C5: variants seen among roughly 807,000 people sequenced by gnomAD.
The protein encoded by C5 is complement C5.
In C5, 140 loss-of-function variants were observed where a neutral mutation model predicts 218.8. That is an observed-to-expected ratio of 0.64 (90% CI 0.56 to 0.74). The LOEUF (loss-of-function observed/expected upper bound fraction) is 0.74. C5 is among the 30% of genes least tolerant of loss of function. The probability of loss-of-function intolerance (pLI) is 0.00; values close to 1 mark genes in which losing one functional copy is unlikely to be tolerated. For synonymous variants in C5, 614 were observed against 682.3 expected, an observed-to-expected ratio of 0.90 and a Z score of 1.56; for missense variants, 1,700 against 1,969.6, an observed-to-expected ratio of 0.86 and a Z score of 2.59.
chr9:120,962,552 G>T, intron 36 of C5, 119 bp downstream of exon 36: 2 of 810,452 alleles, frequency 2.5e-6, no homozygotes, highest in Non-Finnish European at 2.2e-6. Flanking sequence ...GGACTTTCAT[G>T]AAGAGTGGTC....
intron 12 of C5, among the ~76,000 whole-genome samples, chr9:121,018,981 G>A (rs918688149): frequency 1.4e-4 from 21 of 152,018 alleles, no homozygotes; most frequent in Admixed American, 3.9e-4. Flanking sequence ...TAGTAAATTA[G>A]AGAGCTAAAA....
At chr9:120,975,970 C>T (rs189157164) in intron 29 of C5, among the ~76,000 whole-genome samples, 1 of 152,306 alleles carries the variant, frequency 6.6e-6, no homozygotes, top group East Asian at 1.9e-4. Context: ...TGGCCATTCC[C>T]TCTGCCTATA....
chr9:121,023,279 T>C (rs888401746), intron 10 of C5, 125 bp downstream of exon 10: 2 of 758,912 alleles, frequency 2.6e-6, no homozygotes, highest in African/African-American at 3.4e-5. Flanking sequence ...AGGGGCAGGT[T>C]TCACAGAATA....
chr9:121,028,180 A>C (rs1436198696), intron 7 of C5, among the ~76,000 whole-genome samples: 1 of 152,258 alleles, frequency 6.6e-6, no homozygotes, highest in Non-Finnish European at 1.5e-5. Flanking sequence ...CAATCATTAA[A>C]AAGTCAGGAA....
intron 38 of C5, among the ~76,000 whole-genome samples, chr9:120,958,354 G>A (rs996577657): frequency 2.6e-5 from 4 of 152,170 alleles, no homozygotes; most frequent in South Asian, 2.1e-4. Flanking sequence ...AAAAGCCAGC[G>A]AAGTCTTTTC....
rs1174368669 is a variant in C5, at chr9:121,046,362, T to G, written c.87A>C (p.Lys29Asn). 1 of 1,612,114 alleles carries G rather than the reference T, an allele frequency of 6.2e-7. No homozygotes were observed. Among genetic ancestry groups the G allele is most frequent in the Non-Finnish European group, 8.5e-7 (1 of 1,178,464 alleles). Residue 29 changes from lysine (K) to asparagine (N), a missense_variant, in exon 2 of 41, where the codon AAA (lysine) becomes AAC (asparagine). Lys to Asn is a moderately conservative substitution (Grantham distance 94). Coordinates refer to ENST00000223642, the MANE Select transcript of C5 (RefSeq NM_001735.3). ...QEQTYVISAP[K>N]IFRVGASENI... is the part of the protein sequence containing the mutation. ...TTTCAGATGCTCCAACACGGAATAT[T>G]TTTGGTGCTGAAATGACATATCTGT...
intron 36 of C5, 39 bp from the exon 37 acceptor site, chr9:120,961,604 T>A: frequency 7.8e-7 from 1 of 1,275,124 alleles, no homozygotes; most frequent in South Asian, 1.2e-5. Context: ...AGTGGTTTGA[T>A]TGAAGAACAA....
the C5 span, among the ~76,000 whole-genome samples, chr9:121,068,768 C>A: frequency 6.6e-6 from 1 of 152,114 alleles, no homozygotes; most frequent in Non-Finnish European, 1.5e-5. Context: ...ATGATATTGT[C>A]ATAAAAACAG....
chr9:121,044,474 TCAACAACAA>T (rs769466358), intron 2 of C5, among the ~76,000 whole-genome samples: 2 of 151,642 alleles, frequency 1.3e-5, no homozygotes, highest in African/African-American at 4.9e-5. Flanking sequence ...AGACCCTGTC[TCAACAACAA>T]CAACAACAAC....
chr9:121,016,842 C>T (rs12000864), intron 14 of C5, among the ~76,000 whole-genome samples: 4,217 of 152,222 alleles, frequency 0.028, 204 homozygotes, highest in African/African-American at 0.096. Flanking sequence ...CAGGCTTATT[C>T]GTTCTCCGAG....
chr9:121,045,200 TA>T (rs775748535), intron 2 of C5, among the ~76,000 whole-genome samples: 12 of 152,184 alleles, frequency 7.9e-5, no homozygotes, highest in Non-Finnish European at 5.9e-5. Flanking sequence ...CTAAGAACAT[TA>T]AAGAATTCCT....
In C5 at chr9:120,989,768, C is replaced by T; in HGVS notation, c.2954G>A (p.Gly985Asp). ...RILSVKGLLV[G>D]EILSAVLSQE... ...ACTTAGAACTGCAGACAAGATCTCA[C>T]CTACAAGCAGTCCTGAAACAAAAAA... The change falls in exon 24 of 41, where the codon GGT becomes GAT. Residue 985 changes from glycine to aspartate, a missense_variant. Physicochemically the swap from Gly to Asp is moderately conservative, Grantham distance 94 (BLOSUM62 -1). Coordinates refer to ENST00000223642, the MANE Select transcript of C5 (RefSeq NM_001735.3). The T allele has an allele frequency of 1.2e-6, 2 of 1,613,858 alleles. No individual in the cohort carries two copies. Among genetic ancestry groups the T allele is most frequent in the Non-Finnish European group, 1.7e-6 (2 of 1,179,822 alleles).
At position 120,980,037 on chromosome 9, in the gene C5, T is replaced by C. The variant is rs752312495; in HGVS notation, c.3658+46A>G. ...CCACTTCCCAGACTAGCAGACTTTATGTCTTAGTGAACACTCACTGAATAC... is the reference window on the plus strand; with the variant it reads ...CCACTTCCCAGACTAGCAGACTTTACGTCTTAGTGAACACTCACTGAATAC... On this transcript the variant is annotated intron_variant, in intron 28 of 40. Coordinates refer to ENST00000223642, the MANE Select transcript of C5 (RefSeq NM_001735.3). 17 of 1,563,558 alleles carry C rather than the reference T, an allele frequency of 1.1e-5. No homozygotes were observed. In the Admixed American group the frequency reaches 2.0e-4, roughly 18 times the overall value.
At chr9:120,982,574 T>A in intron 26 of C5, 81 bp downstream of exon 26, 1 of 1,135,654 alleles carries the variant, frequency 8.8e-7, no homozygotes. Context: ...TTCTTCTTCT[T>A]CTTCATCCTC....
chr9:121,074,375 C>T, the C5 span, among the ~76,000 whole-genome samples: 58,976 of 152,106 alleles, frequency 0.39, 12,786 homozygotes, highest in South Asian at 0.64. Context: ...TCCCTTGTAG[C>T]AATCAGAGGA....
intron 38 of C5, among the ~76,000 whole-genome samples, chr9:120,957,702 C>A (rs1328272934): frequency 6.6e-6 from 1 of 152,176 alleles, no homozygotes; most frequent in African/African-American, 2.4e-5. Context: ...GGAGTCATGC[C>A]CATGGGCATC....
chr9:120,959,248 CTTTCTTTCTTTCTTTCT>C (rs2046808547), intron 38 of C5, among the ~76,000 whole-genome samples: 1 of 118,568 alleles, frequency 8.4e-6, no homozygotes, highest in African/African-American at 4.4e-5. Context: ...TTCTTTCTTT[CTTTCTTTCTTTCTTTCT>C]TTTTTTTTTT....
chr9:120,972,070 G>T, intron 30 of C5, 78 bp from the exon 31 acceptor site: 1 of 1,181,132 alleles, frequency 8.5e-7, no homozygotes. Flanking sequence ...ATGAAAAGTG[G>T]GTTGACATGT....
intron 8 of C5, chr9:121,025,878 G>C (rs2047417555): frequency 3.3e-6 from 1 of 306,350 alleles, no homozygotes; most frequent in African/African-American, 2.2e-5. Context: ...ATCTTTATAG[G>C]CCTCTCAGCG....
Sources: gnomAD v4.1 joint callset for allele counts (sites outside exome capture counted in the v4.1 genomes callset) on GRCh38, gnomAD v4.1.1 for gene constraint, MANE v1.5 for transcripts, NCBI Gene and HGNC (gene_info 2026-07-23, HGNC 2026-07-21) for gene names.